LRPPRC: variants seen among roughly 807,000 people sequenced by gnomAD.
The protein encoded by LRPPRC is leucine-rich PPR motif-containing protein, mitochondrial.
In LRPPRC, 120 loss-of-function variants were observed where a neutral mutation model predicts 180.3. That is an observed-to-expected ratio of 0.67 (90% CI 0.57 to 0.77). The LOEUF is 0.77. LRPPRC is among the 30% of genes least tolerant of loss of function. The pLI is 0.00. For missense variants in LRPPRC, 2,012 were observed against 1,657.2 expected (o/e 1.21, Z -3.72); for synonymous variants, 723 against 600.0 (o/e 1.21, Z -3.00).
chr2:43,955,474 G>GAAAAA (rs200193004), intron 14 of LRPPRC, among the ~76,000 whole-genome samples: 66 of 115,168 alleles, frequency 5.7e-4, no homozygotes, highest in Non-Finnish European at 6.8e-4. Flanking sequence ...GTCTCAAAAA[G>GAAAAA]AAAAAAAAAA....
chr2:43,945,490 A>G, intron 21 of LRPPRC, 73 bp from the exon 22 acceptor site: 1 of 883,262 alleles, frequency 1.1e-6, no homozygotes, highest in South Asian at 1.3e-5. Flanking sequence ...CATCCATTTA[A>G]TCACTTTTCA....
intron 23 of LRPPRC, among the ~76,000 whole-genome samples, chr2:43,938,870 T>C (rs1055059189): frequency 2.1e-4 from 32 of 150,512 alleles, no homozygotes; most frequent in African/African-American, 7.9e-4. Context: ...CTGGAATTGT[T>C]AAAACAACCA....
chr2:43,984,250 A>T (rs1674432222), intron 1 of LRPPRC, among the ~76,000 whole-genome samples: 1 of 152,194 alleles, frequency 6.6e-6, no homozygotes, highest in Admixed American at 6.6e-5. Context: ...TCAACAACAA[A>T]AGCTGATTAA....
rs2105040752 is a variant in LRPPRC, at chr2:43,925,098, G to A, written c.2865C>T (p.Asp955=). Reference sequence around the variant, plus strand: ...GTTTTAGCAGATTGTAGTACATCTGGTCTCTATCACATTCAAATAGCTTCT... The same window carrying A: ...GTTTTAGCAGATTGTAGTACATCTGATCTCTATCACATTCAAATAGCTTCT... ...LTQKLFECDR[D]QMYYNLLKLY... Residue 955 remains aspartate, a synonymous_variant, in exon 27 of 38, where the codon GAC becomes GAT. Coordinates refer to ENST00000260665, the MANE Select transcript of LRPPRC (RefSeq NM_133259.4). 2 of 1,595,182 alleles carry A rather than the reference G, an allele frequency of 1.3e-6. No homozygotes were observed. Among genetic ancestry groups the A allele is most frequent in the Non-Finnish European group, 1.7e-6 (2 of 1,162,888 alleles).
chr2:43,947,641 A>G, intron 19 of LRPPRC, 90 bp downstream of exon 19: 1 of 837,334 alleles, frequency 1.2e-6, no homozygotes, highest in Non-Finnish European at 2.1e-6. Flanking sequence ...TAAAAATGTG[A>G]GGAATCACTG....
intron 30 of LRPPRC, among the ~76,000 whole-genome samples, chr2:43,909,044 A>G (rs951147880): frequency 1.3e-5 from 2 of 152,246 alleles, no homozygotes; most frequent in African/African-American, 4.8e-5. Context: ...AGAATGGGAA[A>G]TGGGAAGAGA....
At chr2:43,976,442 T>C (rs1173334896) in intron 5 of LRPPRC, among the ~76,000 whole-genome samples, 2 of 152,194 alleles carry the variant, frequency 1.3e-5, no homozygotes, top group Non-Finnish European at 2.9e-5. Flanking sequence ...GTACTATCGA[T>C]ACAAATACTA....
At chr2:43,967,851 T>A (rs1462585336) in intron 11 of LRPPRC, among the ~76,000 whole-genome samples, 1 of 152,188 alleles carries the variant, frequency 6.6e-6, no homozygotes, top group Non-Finnish European at 1.5e-5. Context: ...TCACTGGGTA[T>A]CACTACTAAC....
chr2:43,899,113 C>T, intron 34 of LRPPRC, 106 bp downstream of exon 34: 1 of 775,184 alleles, frequency 1.3e-6, no homozygotes, highest in South Asian at 1.5e-5. Flanking sequence ...TAGCTGCACA[C>T]CACACTGAAT....
intron 18 of LRPPRC, 127 bp from the exon 19 acceptor site, chr2:43,947,902 ATT>A: frequency 1.4e-6 from 1 of 712,592 alleles, no homozygotes; most frequent in Non-Finnish European, 2.6e-6. Context: ...AATTTTAGAC[ATT>A]CTCTTCATAC....
chr2:43,973,091 A>T (rs1259667904), intron 11 of LRPPRC, among the ~76,000 whole-genome samples: 1 of 152,196 alleles, frequency 6.6e-6, no homozygotes, highest in Non-Finnish European at 1.5e-5. Flanking sequence ...GAAAGATTGA[A>T]CATTTTTGTC....
At chr2:43,952,237 C>A (rs775749418) in intron 14 of LRPPRC, among the ~76,000 whole-genome samples, 2 of 151,962 alleles carry the variant, frequency 1.3e-5, no homozygotes. Context: ...TGCCCTCAAA[C>A]GTGGCATGAA....
At chr2:43,918,808 T>TATAGATATCTCTATATATAG (rs1558938411) in intron 27 of LRPPRC, among the ~76,000 whole-genome samples, 4 of 132,370 alleles carry the variant, frequency 3.0e-5, no homozygotes, top group South Asian at 4.5e-4. Flanking sequence ...TATATATATA[T>TATAGATATCTCTATATATAG]AGATATATAT....
At chr2:43,922,172 G>A (rs751056978) in intron 27 of LRPPRC, among the ~76,000 whole-genome samples, 3 of 152,116 alleles carry the variant, frequency 2.0e-5, no homozygotes, top group Non-Finnish European at 4.4e-5. Context: ...GTTTGAATTA[G>A]GACAAAATTT....
intron 11 of LRPPRC, among the ~76,000 whole-genome samples, chr2:43,969,152 C>A (rs1366278154): frequency 6.6e-6 from 1 of 152,176 alleles, no homozygotes; most frequent in African/African-American, 2.4e-5. Context: ...GAGGCTCACG[C>A]CTGTAATCCC....
chr2:43,918,782 TATATATATA>T lies in LRPPRC; in HGVS notation c.2897-393_2897-385del, dbSNP rs1671573682. ...GCGTTGCAAAGATCCTGGAAATATA[TATATATATA>T]GATATATATATATATATAGATATAT... On this transcript the variant is annotated intron_variant, in intron 27 of 37. Coordinates refer to ENST00000260665, the MANE Select transcript of LRPPRC (RefSeq NM_133259.4). 1.4e-4 allele frequency among the ~76,000 whole-genome samples: 5 copies of T among 35,452 alleles called. No individual in the cohort carries two copies. In the African/African-American group the frequency reaches 1.4e-3, roughly 10 times the overall value. 23.3% of individuals were successfully genotyped at this position (35,452 alleles called of 152,430 possible).
intron 30 of LRPPRC, among the ~76,000 whole-genome samples, chr2:43,909,231 T>C (rs1393164626): frequency 6.6e-6 from 1 of 152,214 alleles, no homozygotes; most frequent in Non-Finnish European, 1.5e-5. Context: ...CATAGTTAGA[T>C]ATAACATTTT....
At chr2:43,942,226 T>C (rs575603879) in intron 23 of LRPPRC, among the ~76,000 whole-genome samples, 2 of 152,302 alleles carry the variant, frequency 1.3e-5, no homozygotes, top group East Asian at 3.9e-4. Flanking sequence ...AATTATTTTA[T>C]TTTTGCCCGG....
chr2:43,903,763 G>A (rs1670969836), intron 31 of LRPPRC: 1 of 152,154 alleles, frequency 6.6e-6, no homozygotes, highest in Admixed American at 6.5e-5. Flanking sequence ...AGAAATCTGG[G>A]TCAGGTTCAG....
Sources: allele counts gnomAD v4.1 joint callset (sites outside exome capture counted in the v4.1 genomes callset), GRCh38; gene constraint gnomAD v4.1.1; transcripts MANE v1.5; gene names NCBI Gene and HGNC (gene_info 2026-07-23, HGNC 2026-07-21).